The following RBFOX3 variants were observed in gnomAD, a reference collection of about 807,000 sequenced individuals.
RBFOX3 encodes RNA binding fox-1 homolog 3, also known as RNA binding protein fox-1 homolog 3.
RBFOX3 carries 17 observed loss-of-function variants against 48.7 expected under a neutral mutation model. The observed-to-expected ratio is 0.35, with a 90% CI of 0.24 to 0.52. The LOEUF (loss-of-function observed/expected upper bound fraction) is 0.52. Among genes scored for constraint, RBFOX3 ranks in the 20% least tolerant of loss-of-function variants. The probability of loss-of-function intolerance (pLI) is 0.94; values close to 1 mark genes in which losing one functional copy is unlikely to be tolerated. For missense variants in RBFOX3, 382 were observed against 497.5 expected, an observed-to-expected ratio of 0.77 and a Z score of 2.21; for synonymous variants, 212 against 209.5, an observed-to-expected ratio of 1.01 and a Z score of -0.10.
At chr17:79,585,730 G>A (rs1039582380) in intron 1 of RBFOX3, among the ~76,000 whole-genome samples, 20 of 152,224 alleles carry the variant, frequency 1.3e-4, no homozygotes, top group Non-Finnish European at 2.9e-4. Context: ...ACTCCCAGCA[G>A]CAAAGTGCCA....
chr17:79,644,577 A>G, the RBFOX3 span, among the ~76,000 whole-genome samples: 1 of 152,216 alleles, frequency 6.6e-6, no homozygotes, highest in East Asian at 1.9e-4. Flanking sequence ...ATACTTAAAG[A>G]TCAATTGTAT....
At chr17:79,661,427 TTAGTGTTCA>T in the RBFOX3 span, among the ~76,000 whole-genome samples, 1 of 152,378 alleles carries the variant, frequency 6.6e-6, no homozygotes, top group Admixed American at 6.5e-5. Flanking sequence ...TGTTTAGTGT[TTAGTGTTCA>T]TAGAGTGTAG....
intron 2 of RBFOX3, among the ~76,000 whole-genome samples, chr17:79,352,063 C>T (rs899568754): frequency 3.9e-5 from 6 of 152,130 alleles, no homozygotes; most frequent in African/African-American, 7.2e-5. Flanking sequence ...ACCACTAGAA[C>T]CAGCCCCATC....
At chr17:79,330,186 T>G (rs1407104564) in intron 2 of RBFOX3, among the ~76,000 whole-genome samples, 1 of 152,236 alleles carries the variant, frequency 6.6e-6, no homozygotes, top group Non-Finnish European at 1.5e-5. Context: ...TTAACCCCGC[T>G]GTGGGACACA....
chr17:79,554,204 T>C (rs2091409548), intron 1 of RBFOX3, among the ~76,000 whole-genome samples: 1 of 152,250 alleles, frequency 6.6e-6, no homozygotes, highest in African/African-American at 2.4e-5. Context: ...TTTTGTCCTT[T>C]TTCTAACTTT....
At chr17:79,097,919 AC>A in intron 9 of RBFOX3, 174 bp from the exon 10 acceptor site, 1 of 644,524 alleles carries the variant, frequency 1.6e-6, no homozygotes, top group Non-Finnish European at 2.8e-6. Context: ...AGTTCAAAAC[AC>A]CAGGGTCTAC....
chr17:79,455,311 G>C (rs2074291642), intron 2 of RBFOX3, among the ~76,000 whole-genome samples: 1 of 152,222 alleles, frequency 6.6e-6, no homozygotes, highest in African/African-American at 2.4e-5. Flanking sequence ...TGGCATCTGG[G>C]GAGGAGAAAT....
intron 2 of RBFOX3, among the ~76,000 whole-genome samples, chr17:79,370,264 C>T (rs1449197092): frequency 6.6e-6 from 1 of 152,238 alleles, no homozygotes; most frequent in Non-Finnish European, 1.5e-5. Flanking sequence ...ACCACTCTGC[C>T]CGGGTTGCCA....
intron 2 of RBFOX3, among the ~76,000 whole-genome samples, chr17:79,460,037 A>C (rs1333371242): frequency 6.6e-6 from 1 of 152,174 alleles, no homozygotes; most frequent in Non-Finnish European, 1.5e-5. Context: ...CCATTTCTAC[A>C]AAACACTCAG....
chr17:79,148,446 G>A lies in RBFOX3; in HGVS notation c.-33-32698C>T, dbSNP rs529044028. 4.4e-4 allele frequency among the ~76,000 whole-genome samples: 67 copies of A among 152,324 alleles called. 1 individual carries two copies. Among genetic ancestry groups the A allele is most frequent in the African/African-American group, 1.4e-3 (59 of 41,564 alleles). On this transcript the variant is annotated intron_variant, in intron 4 of 14. Coordinates refer to ENST00000693108, the MANE Select transcript of RBFOX3 (RefSeq NM_001350451.2). ...TGGAAGGGGCAGGGCTCATGCCACAGCCTGAAGCCAAACCCAGGTTTGAGC... is the reference window on the plus strand; with the variant it reads ...TGGAAGGGGCAGGGCTCATGCCACAACCTGAAGCCAAACCCAGGTTTGAGC...
chr17:79,633,324 C>A, the RBFOX3 span, among the ~76,000 whole-genome samples: 1 of 152,270 alleles, frequency 6.6e-6, no homozygotes, highest in Admixed American at 6.5e-5. Context: ...CTGTCAGTGC[C>A]AGCGGGCAAG....
intron 4 of RBFOX3, among the ~76,000 whole-genome samples, chr17:79,125,985 T>C (rs2037147633): frequency 6.6e-6 from 1 of 152,208 alleles, no homozygotes; most frequent in African/African-American, 2.4e-5. Flanking sequence ...CTCACCCTCA[T>C]AGCCACTACC....
At chr17:79,202,541 G>T (rs990726341) in intron 4 of RBFOX3, among the ~76,000 whole-genome samples, 2 of 152,216 alleles carry the variant, frequency 1.3e-5, no homozygotes, top group African/African-American at 4.8e-5. Context: ...ACAACCCCAT[G>T]GGACGGTTAT....
chr17:79,332,013 TGAGCAACCACGTGTCCA>T (rs1399318986), intron 2 of RBFOX3, among the ~76,000 whole-genome samples: 1 of 152,196 alleles, frequency 6.6e-6, no homozygotes, highest in Non-Finnish European at 1.5e-5. Flanking sequence ...ATCTCAGGTC[TGAGCAACCACGTGTCCA>T]GACTCCTTGG....
At chr17:79,288,756 G>T (rs994378526) in intron 3 of RBFOX3, among the ~76,000 whole-genome samples, 1 of 151,820 alleles carries the variant, frequency 6.6e-6, no homozygotes, top group Non-Finnish European at 1.5e-5. Context: ...CCATCTCCAC[G>T]TTTCATGTCC....
intron 3 of RBFOX3, among the ~76,000 whole-genome samples, chr17:79,287,512 A>C (rs2072229404): frequency 6.6e-6 from 1 of 152,110 alleles, no homozygotes; most frequent in African/African-American, 2.4e-5. Flanking sequence ...CAGGAGCTCC[A>C]TGACATGCTC....
At chr17:79,280,190 A>G (rs1418424709) in intron 3 of RBFOX3, among the ~76,000 whole-genome samples, 1 of 151,076 alleles carries the variant, frequency 6.6e-6, no homozygotes, top group Non-Finnish European at 1.5e-5. Flanking sequence ...ACACATGCAC[A>G]CTTATACACA....
At chr17:79,534,743 C>T (rs1473498351) in intron 1 of RBFOX3, among the ~76,000 whole-genome samples, 13 of 152,358 alleles carry the variant, frequency 8.5e-5, no homozygotes, top group African/African-American at 3.1e-4. Context: ...TGTAAAACAT[C>T]ACCATGGCCA....
At chr17:79,379,021 C>T (rs1384411162) in intron 2 of RBFOX3, among the ~76,000 whole-genome samples, 1 of 152,144 alleles carries the variant, frequency 6.6e-6, no homozygotes, top group African/African-American at 2.4e-5. Flanking sequence ...CTGACTCTGG[C>T]CATGCCTCCT....
Sources: gnomAD v4.1 joint callset for allele counts (sites outside exome capture counted in the v4.1 genomes callset) on GRCh38, gnomAD v4.1.1 for gene constraint, MANE v1.5 for transcripts, NCBI Gene and HGNC (gene_info 2026-07-23, HGNC 2026-07-21) for gene names.